XRCC5: variants seen among roughly 807,000 people sequenced by gnomAD.
XRCC5 encodes DNA repair protein Ku80.
A neutral mutation model predicts 95.7 loss-of-function variants in XRCC5; 12 were observed. The ratio of observed to expected loss-of-function variants is 0.13; its 90% CI spans 0.08 to 0.20. The LOEUF is 0.20. Among genes scored for constraint, XRCC5 ranks in the 10% least tolerant of loss-of-function variants. The pLI is 1.00. For synonymous variants in XRCC5, 281 were observed against 290.3 expected, an observed-to-expected ratio of 0.97 and a Z score of 0.33; for missense variants, 595 against 873.9, an observed-to-expected ratio of 0.68 and a Z score of 4.02.
chr2:216,194,887 G>T (rs1300770129), intron 18 of XRCC5, 32 bp from the exon 19 acceptor site: 2 of 1,608,264 alleles, frequency 1.2e-6, no homozygotes, highest in South Asian at 2.2e-5. Context: ...GATTCTTTGT[G>T]TTTTGATTTT....
At chr2:216,156,237 T>C (rs1489383596) in intron 14 of XRCC5, 1 of 479,324 alleles carries the variant, frequency 2.1e-6, no homozygotes, top group Non-Finnish European at 4.0e-6. Flanking sequence ...GGCCATAGGT[T>C]AAGTTTCCTT....
chr2:216,162,162 G>A, intron 16 of XRCC5, 114 bp downstream of exon 16: 1 of 1,006,508 alleles, frequency 9.9e-7, no homozygotes, highest in Non-Finnish European at 1.5e-6. Context: ...TTCTTTACTG[G>A]CGGATCTTTG....
intron 10 of XRCC5, among the ~76,000 whole-genome samples, chr2:216,136,704 C>T (rs1697087205): frequency 6.6e-6 from 1 of 152,010 alleles, no homozygotes; most frequent in Non-Finnish European, 1.5e-5. Flanking sequence ...TAATAATGCA[C>T]TAAGCAGTGG....
Position 216,205,467 on chromosome 2 carries a change from T to A in XRCC5, c.*265T>A. Reference sequence around the variant, plus strand: ...TATTTTTTCTGTGGTCTTACTGATCTTTGTATATTACATACATGCTTTGAA... The same window carrying A: ...TATTTTTTCTGTGGTCTTACTGATCATTGTATATTACATACATGCTTTGAA... On this transcript the variant is annotated 3_prime_UTR_variant, in exon 21 of 21. Transcript: ENST00000392132. 1 of 510,000 alleles carries A rather than the reference T, an allele frequency of 2.0e-6. No individual in the cohort carries two copies. The highest frequency in any genetic ancestry group is 3.5e-6 in the Non-Finnish European group (1 of 284,866). 31.6% of individuals were successfully genotyped at this position (510,000 alleles called of 1,614,324 possible). A position where few individuals can be genotyped will look rare whatever the true frequency, so the allele number is the denominator to read the frequency against.
chr2:216,115,034 G>T (rs1003723604), intron 2 of XRCC5, among the ~76,000 whole-genome samples: 1 of 129,446 alleles, frequency 7.7e-6, no homozygotes, highest in African/African-American at 4.9e-5. Context: ...ACTAAACAAA[G>T]AAGGGCGCAG....
rs529302077 is a variant in XRCC5, at chr2:216,186,997, A to G, written c.1835-3228A>G. On this transcript the variant is annotated intron_variant, in intron 16 of 20. Coordinates refer to ENST00000392132, the MANE Select transcript of XRCC5 (RefSeq NM_021141.4). ...GTTTACATCCCTTTTGATACTCAGT[A>G]TATTCAAGCGTCATCCATCACAGCT... 1.1e-4 allele frequency among the ~76,000 whole-genome samples: 16 copies of G among 152,348 alleles called. No individual in the cohort carries two copies. In the South Asian group the frequency reaches 2.5e-3, roughly 24 times the overall value.
intron 16 of XRCC5, among the ~76,000 whole-genome samples, chr2:216,185,084 A>AGC (rs1689470728): frequency 6.6e-6 from 1 of 152,072 alleles, no homozygotes; most frequent in African/African-American, 2.4e-5. Context: ...CAGTGTCTTC[A>AGC]GCTCCCATAG....
chr2:216,161,011 A>G (rs1688942345), intron 15 of XRCC5, among the ~76,000 whole-genome samples: 1 of 152,116 alleles, frequency 6.6e-6, no homozygotes, highest in South Asian at 2.1e-4. Context: ...GCCTTGTTCT[A>G]AGCAGCATTA....
intron 16 of XRCC5, among the ~76,000 whole-genome samples, chr2:216,183,536 A>G (rs1443226547): frequency 1.3e-5 from 2 of 152,232 alleles, no homozygotes; most frequent in Non-Finnish European, 2.9e-5. Flanking sequence ...AAAATACAGG[A>G]CTGCATCTGT....
chr2:216,146,150 C>G (rs1688628054), intron 13 of XRCC5, among the ~76,000 whole-genome samples: 1 of 152,150 alleles, frequency 6.6e-6, no homozygotes, highest in Admixed American at 6.5e-5. Flanking sequence ...AAGAAGAAAG[C>G]AGGCATCAAA....
chr2:216,130,140 G>T (rs1025316079), intron 8 of XRCC5, among the ~76,000 whole-genome samples: 1 of 151,642 alleles, frequency 6.6e-6, no homozygotes, highest in Admixed American at 6.6e-5. Context: ...AGAATCCTTG[G>T]ATTTTGATGC....
chr2:216,123,005 AGT>A (rs2106004539), intron 6 of XRCC5, among the ~76,000 whole-genome samples: 1 of 152,326 alleles, frequency 6.6e-6, no homozygotes, highest in Non-Finnish European at 1.5e-5. Flanking sequence ...CATCTAGAAT[AGT>A]GTGTGTCCTA....
Position 216,162,084 on chromosome 2 carries a change from T to G in XRCC5, c.1834+36T>G, listed in dbSNP as rs764627318. On this transcript the variant is annotated intron_variant, in intron 16 of 20. Coordinates refer to ENST00000392132, the MANE Select transcript of XRCC5 (RefSeq NM_021141.4). Reference sequence around the variant, plus strand: ...GACTTTGCATTTAGGAGAAGCTGTTTAGTTAAGCTAACTAATTTAAAGTCT... The same window carrying G: ...GACTTTGCATTTAGGAGAAGCTGTTGAGTTAAGCTAACTAATTTAAAGTCT... 2.5e-6 allele frequency: 4 copies of G among 1,570,946 alleles called. No homozygotes were observed. In the Admixed American group the frequency reaches 6.7e-5, roughly 26 times the overall value.
At chr2:216,127,263 A>C (rs989181568) in intron 7 of XRCC5, among the ~76,000 whole-genome samples, 4 of 152,188 alleles carry the variant, frequency 2.6e-5, no homozygotes, top group Non-Finnish European at 4.4e-5. Context: ...AAATAAATAA[A>C]AATATTAGAC....
At chr2:216,138,200 A>T (rs1458097518) in intron 12 of XRCC5, 21 bp downstream of exon 12, 6 of 1,598,108 alleles carry the variant, frequency 3.8e-6, no homozygotes. Context: ...TTTCATTTAG[A>T]TCACTCATTG....
At chr2:216,151,573 C>T (rs1688746455) in intron 14 of XRCC5, among the ~76,000 whole-genome samples, 1 of 152,128 alleles carries the variant, frequency 6.6e-6, no homozygotes, top group South Asian at 2.1e-4. Context: ...GGTTACATAT[C>T]CTCTCAAAGC....
chr2:216,160,311 G>T, intron 15 of XRCC5, 150 bp downstream of exon 15: 1 of 489,214 alleles, frequency 2.0e-6, no homozygotes, highest in Non-Finnish European at 3.6e-6. Context: ...AAGCCAAAAA[G>T]ACCCATTCCA....
At position 216,150,612 on chromosome 2, in the gene XRCC5, T is replaced by C. The variant is rs930916364; in HGVS notation, c.1670+2336T>C. 5.9e-5 allele frequency among the ~76,000 whole-genome samples: 9 copies of C among 152,130 alleles called. No individual in the cohort carries two copies. In the East Asian group the frequency reaches 1.7e-3, roughly 29 times the overall value. ...CATTTGTAACAAAGAGGTATTTGCA[T>C]ATATAAACGTATCTAATGATAGATG... On this transcript the variant is annotated intron_variant, in intron 14 of 20. Transcript: ENST00000392132.
At chr2:216,156,957 G>T (rs139959954) in intron 14 of XRCC5, 1 of 310,776 alleles carries the variant, frequency 3.2e-6, no homozygotes, top group Non-Finnish European at 6.4e-6. Context: ...TTTATTCCCC[G>T]TGATGACAGA....
Sources: allele counts gnomAD v4.1 joint callset (sites outside exome capture counted in the v4.1 genomes callset), GRCh38; gene constraint gnomAD v4.1.1; transcripts MANE v1.5; gene names NCBI Gene and HGNC (gene_info 2026-07-23, HGNC 2026-07-21).